The following SRFBP1 variants were observed in gnomAD, a reference collection of about 807,000 sequenced individuals.
The protein encoded by SRFBP1 is serum response factor-binding protein 1.
Under a neutral mutation model 45.5 loss-of-function variants are expected in SRFBP1, and 47 were observed. The ratio of observed to expected loss-of-function variants is 1.03; its 90% CI spans 0.82 to 1.32. The LOEUF (loss-of-function observed/expected upper bound fraction) is 1.32, where lower values mean the gene tolerates loss of function less well. Ranked by LOEUF, SRFBP1 falls within the 40% of genes most tolerant of loss-of-function variation. SRFBP1 has a pLI of 0.00. For synonymous variants in SRFBP1, 203 were observed against 166.3 expected, an observed-to-expected ratio of 1.22 and a Z score of -1.70; for missense variants, 621 against 484.6, an observed-to-expected ratio of 1.28 and a Z score of -2.64.
At position 121,992,559 on chromosome 5, in the gene SRFBP1, A is replaced by G. The variant is rs530187546; in HGVS notation, c.199-2040A>G. 1.2e-3 allele frequency among the ~76,000 whole-genome samples: 177 copies of G among 152,224 alleles called. 1 individual carries two copies. Among genetic ancestry groups the G allele is most frequent in the African/African-American group, 4.0e-3 (166 of 41,566 alleles). On this transcript the variant is annotated intron_variant, in intron 3 of 7. Coordinates refer to ENST00000339397, the MANE Select transcript of SRFBP1 (RefSeq NM_152546.3). ...TTACATCAGCAAAGTCCCTTCTGCC[A>G]TGTAAAATAACATGTTCATAGGCTC...
At chr5:121,991,819 C>A (rs990652592) in intron 3 of SRFBP1, among the ~76,000 whole-genome samples, 4 of 151,988 alleles carry the variant, frequency 2.6e-5, no homozygotes, top group African/African-American at 9.7e-5. Context: ...GACAGTATTC[C>A]CTTTTAATGA....
At chr5:122,008,496 T>A (rs1442907484) in intron 4 of SRFBP1, among the ~76,000 whole-genome samples, 1 of 152,182 alleles carries the variant, frequency 6.6e-6, no homozygotes, top group Non-Finnish European at 1.5e-5. Flanking sequence ...TCTCCATGGT[T>A]TACTGCCTGG....
chr5:122,038,134 T>G (rs1753721033), intron 2 of SRFBP1, among the ~76,000 whole-genome samples: 1 of 152,280 alleles, frequency 6.6e-6, no homozygotes, highest in African/African-American at 2.4e-5. Flanking sequence ...CATTTGGACT[T>G]AAGTGATCAT....
chr5:122,029,864 A>G (rs1753562448), downstream of SRFBP1, among the ~76,000 whole-genome samples: 1 of 152,194 alleles, frequency 6.6e-6, no homozygotes, highest in Non-Finnish European at 1.5e-5. Context: ...TTTAGTGCTC[A>G]AATTCTACTT....
At chr5:122,077,440 A>T, downstream of SRFBP1, 1 of 1,614,044 alleles carries the variant, frequency 6.2e-7, no homozygotes, top group Middle Eastern at 1.6e-4. The surrounding 1 kb of genome is among the most constrained non-coding windows in gnomAD (Gnocchi z 4.9). Context: ...AGTTGTAATA[A>T]GGGTTGTCGT....
At chr5:122,023,833 G>A (rs545570050) in intron 7 of SRFBP1, among the ~76,000 whole-genome samples, 4 of 152,278 alleles carry the variant, frequency 2.6e-5, no homozygotes, top group African/African-American at 4.8e-5. Context: ...GTTTCCTTCA[G>A]TCCGTCTGTG....
intron 2 of SRFBP1, among the ~76,000 whole-genome samples, chr5:122,058,228 A>G (rs1489335103): frequency 6.6e-6 from 1 of 152,092 alleles, no homozygotes; most frequent in Non-Finnish European, 1.5e-5. Flanking sequence ...TCTCTATTCA[A>G]CAAATATTTG....
intron 2 of SRFBP1, among the ~76,000 whole-genome samples, chr5:122,049,209 A>G (rs1463181494): frequency 1.3e-5 from 2 of 152,158 alleles, no homozygotes; most frequent in African/African-American, 4.8e-5. Flanking sequence ...AGACAAAAAA[A>G]TGCAGGGGTT....
chr5:122,050,715 A>G (rs1458584571), intron 2 of SRFBP1, among the ~76,000 whole-genome samples: 1 of 151,922 alleles, frequency 6.6e-6, no homozygotes, highest in Non-Finnish European at 1.5e-5. Flanking sequence ...GGATTCATTG[A>G]TCTTTTTGTA....
intron 4 of SRFBP1, among the ~76,000 whole-genome samples, chr5:122,016,555 A>T (rs191935063): frequency 1.3e-5 from 2 of 152,060 alleles, no homozygotes; most frequent in African/African-American, 4.8e-5. Flanking sequence ...TAATGTGACT[A>T]TTTTCATATA....
chr5:121,975,707 A>G (rs1580501073), intron 3 of SRFBP1, among the ~76,000 whole-genome samples: 1 of 151,998 alleles, frequency 6.6e-6, no homozygotes, highest in African/African-American at 2.4e-5. Context: ...AGTCAGTTCA[A>G]GAATTAAAGT....
At chr5:121,971,086 A>G (rs999911990) in intron 1 of SRFBP1, among the ~76,000 whole-genome samples, 3 of 151,258 alleles carry the variant, frequency 2.0e-5, no homozygotes, top group Non-Finnish European at 1.5e-5. Context: ...CATGGTGAGG[A>G]CAGGGGACTG....
rs1353186384 is a variant in SRFBP1, at chr5:122,019,274, A to C, written c.285A>C (p.Ala95=). ...TAAATTTGCAGCCAGATTCTACTGC[A>C]ACTGAAAGAGCAATTGCCAGACTAG... ...EKIFKKPDST[A]TERAIARLAV... is the part of the protein sequence containing the mutation. Residue 95 remains alanine (A), a synonymous_variant, in exon 5 of 8, where the codon GCA becomes GCC. Transcript: ENST00000339397. 1 of 1,612,404 alleles carries C rather than the reference A, an allele frequency of 6.2e-7. No homozygotes were observed. The highest frequency in any genetic ancestry group is 1.3e-5 in the African/African-American group (1 of 74,890).
downstream of SRFBP1, among the ~76,000 whole-genome samples, chr5:122,033,112 C>G (rs1208660549): frequency 6.6e-6 from 1 of 151,140 alleles, no homozygotes; most frequent in Non-Finnish European, 1.5e-5. Flanking sequence ...TTAAGGACCA[C>G]TTTTGTATCA....
intron 2 of SRFBP1, among the ~76,000 whole-genome samples, chr5:122,071,613 G>A (rs1357127038): frequency 6.6e-6 from 1 of 152,176 alleles, no homozygotes; most frequent in African/African-American, 2.4e-5. Context: ...TCAGATTGGA[G>A]TCTGTAGGTA....
Position 122,075,510 on chromosome 5 carries a change from C to T in SRFBP1, n.507C>T. On this transcript the variant is annotated non_coding_transcript_exon_variant, in exon 3 of 3. Transcript: ENST00000504881. ...GGAAATCTGAGCAGCACCCTGTGAT[C>T]ATAATCTCTGACATCTGCCCTGTAT... 1 of 1,612,262 alleles carries T rather than the reference C, an allele frequency of 6.2e-7. No individual in the cohort carries two copies. Among genetic ancestry groups the T allele is most frequent in the Non-Finnish European group, 8.5e-7 (1 of 1,179,166 alleles).
intron 4 of SRFBP1, among the ~76,000 whole-genome samples, chr5:122,008,782 T>C (rs569074187): frequency 1.3e-5 from 2 of 152,288 alleles, no homozygotes; most frequent in Middle Eastern, 3.4e-3. Context: ...ACATTTCTTT[T>C]AGGGCACATA....
chr5:122,061,739 A>G lies in SRFBP1; in HGVS notation n.312-13576A>G, dbSNP rs547939152. The stretch of plus-strand genomic sequence containing the variant: ...AAGTTATCTAACAAATAGGAAAGAC[A>G]TATTTTTTTCTAAAATAGAACATGG... On this transcript the variant is annotated intron_variant and non_coding_transcript_variant, in intron 2 of 2. Transcript: ENST00000504881. 2.0e-5 allele frequency among the ~76,000 whole-genome samples: 3 copies of G among 152,124 alleles called. No individual in the cohort carries two copies. The South Asian group carries it at 6.2e-4, about 31-fold the overall frequency.
intron 4 of SRFBP1, among the ~76,000 whole-genome samples, chr5:122,007,173 T>C (rs1051547347): frequency 2.3e-4 from 35 of 152,024 alleles, no homozygotes; most frequent in Non-Finnish European, 4.0e-4. Flanking sequence ...GGTCACCATA[T>C]GGGCTGGCCT....
Sources: gnomAD v4.1 joint callset for allele counts (sites outside exome capture counted in the v4.1 genomes callset) on GRCh38, gnomAD v4.1.1 for gene constraint, Gnocchi (gnomAD v3.1) non-coding constraint, MANE v1.5 for transcripts, NCBI Gene and HGNC (gene_info 2026-07-23, HGNC 2026-07-21) for gene names.